Variants in NEK1 observed in about 807,000 individuals in gnomAD.
NEK1 encodes the protein NIMA related kinase 1.
NEK1 carries 137 observed loss-of-function variants against 182.1 expected under a neutral mutation model. The ratio of observed to expected loss-of-function variants is 0.75; its 90% CI spans 0.65 to 0.87. The LOEUF is 0.87. Ranked by LOEUF, NEK1 falls within the 40% of genes least tolerant of loss-of-function variation. The probability of loss-of-function intolerance (pLI) is 0.00; values close to 1 mark genes in which losing one functional copy is unlikely to be tolerated. For missense variants in NEK1, 1,391 were observed against 1,494.4 expected, an observed-to-expected ratio of 0.93 and a Z score of 1.14; for synonymous variants, 513 against 492.2, an observed-to-expected ratio of 1.04 and a Z score of -0.56.
chr4:169,466,061 A>G (rs1444203748), intron 26 of NEK1, among the ~76,000 whole-genome samples: 1 of 152,124 alleles, frequency 6.6e-6, no homozygotes, highest in African/African-American at 2.4e-5. Context: ...TAACTAGTAG[A>G]CAAGGACATT....
At chr4:169,470,527 C>G (rs909733643) in intron 26 of NEK1, among the ~76,000 whole-genome samples, 3 of 152,174 alleles carry the variant, frequency 2.0e-5, no homozygotes, top group Non-Finnish European at 2.9e-5. Flanking sequence ...GGTAATCCAA[C>G]CTTTCTCTTT....
chr4:169,505,683 T>G (rs1161845052), intron 23 of NEK1, among the ~76,000 whole-genome samples: 3 of 152,172 alleles, frequency 2.0e-5, no homozygotes, highest in African/African-American at 7.2e-5. Flanking sequence ...AGCAATAAAC[T>G]ATAGGAACTG....
chr4:169,405,703 G>A (rs1732472596), intron 32 of NEK1, among the ~76,000 whole-genome samples: 1 of 151,678 alleles, frequency 6.6e-6, no homozygotes, highest in South Asian at 2.1e-4. Context: ...GCATGATCAT[G>A]GCTCACTGCT....
At chr4:169,434,658 T>C (rs567070115) in intron 28 of NEK1, among the ~76,000 whole-genome samples, 64 of 152,316 alleles carry the variant, frequency 4.2e-4, no homozygotes, top group Middle Eastern at 6.8e-3. Context: ...TTATCAATAA[T>C]ATCCTGTTTA....
chr4:169,608,683 G>A (rs571471572), intron 2 of NEK1, among the ~76,000 whole-genome samples: 13 of 152,268 alleles, frequency 8.5e-5, no homozygotes, highest in African/African-American at 3.1e-4. Context: ...AGTGGACAAA[G>A]GATATGAAGT....
At chr4:169,412,895 AG>A (rs1413726488) in intron 31 of NEK1, among the ~76,000 whole-genome samples, 1 of 144,444 alleles carries the variant, frequency 6.9e-6, no homozygotes. Context: ...GGGGGGAGGG[AG>A]GGAGGAAGAG....
In NEK1 at chr4:169,600,119, A is replaced by G. The variant is rs142686878; in HGVS notation, c.215-922T>C. Among the ~76,000 whole-genome samples the G allele has an allele frequency of 1.3e-4, 20 of 152,284 alleles. No homozygotes were observed. The East Asian group carries it at 3.7e-3, about 28-fold the overall frequency. On this transcript the variant is annotated intron_variant, in intron 4 of 35. Transcript: ENST00000507142. Reference sequence around the variant, plus strand: ...TTTAACATTTTCTGAATCACTACATAGTACTGAGACTATCACAACTCAAAG... The same window carrying G: ...TTTAACATTTTCTGAATCACTACATGGTACTGAGACTATCACAACTCAAAG...
chr4:169,549,402 C>A (rs1043450391), intron 18 of NEK1, among the ~76,000 whole-genome samples: 1 of 152,158 alleles, frequency 6.6e-6, no homozygotes, highest in South Asian at 2.1e-4. Flanking sequence ...TGTTCCTATT[C>A]GGCCATCTTG....
At chr4:169,567,099 A>G (rs1481835800) in intron 12 of NEK1, among the ~76,000 whole-genome samples, 1 of 151,772 alleles carries the variant, frequency 6.6e-6, no homozygotes, top group Non-Finnish European at 1.5e-5. Flanking sequence ...AAAAAAAAGA[A>G]AAAAAAAATC....
chr4:169,506,013 AT>A (rs1257398384), intron 23 of NEK1, among the ~76,000 whole-genome samples: 1 of 152,002 alleles, frequency 6.6e-6, no homozygotes, highest in Non-Finnish European at 1.5e-5. Context: ...TATAAAAACT[AT>A]TATAACTATG....
intron 12 of NEK1, among the ~76,000 whole-genome samples, chr4:169,567,365 ATTG>A (rs1274743028): frequency 6.6e-6 from 1 of 150,656 alleles, no homozygotes; most frequent in Non-Finnish European, 1.5e-5. Context: ...ATACTTTCAC[ATTG>A]TTGTTCACAG....
chr4:169,595,630 T>A (rs559862356), intron 5 of NEK1, among the ~76,000 whole-genome samples: 1 of 152,024 alleles, frequency 6.6e-6, no homozygotes, highest in Non-Finnish European at 1.5e-5. Context: ...CTAAGAAATA[T>A]ATGTGGAACC....
rs547772734 is a variant in NEK1, at chr4:169,415,929, C to T, written c.3222+8624G>A. Among the ~76,000 whole-genome samples the T allele has an allele frequency of 1.8e-4, 28 of 152,232 alleles. 1 individual carries two copies. The highest frequency in any genetic ancestry group is 6.3e-4 in the African/African-American group (26 of 41,542). Reference sequence around the variant, plus strand: ...CTCTAAACACGTGGCTAAGGAACTGCTTGTGAGGTGGAGGGCGGGGTAGGA... The same window carrying T: ...CTCTAAACACGTGGCTAAGGAACTGTTTGTGAGGTGGAGGGCGGGGTAGGA... On this transcript the variant is annotated intron_variant, in intron 31 of 35. Transcript: ENST00000507142.
chr4:169,567,190 T>C (rs753368018), intron 12 of NEK1, among the ~76,000 whole-genome samples: 1 of 152,200 alleles, frequency 6.6e-6, no homozygotes, highest in Non-Finnish European at 1.5e-5. Context: ...TTCTTTTAAT[T>C]CTTTTGTTAG....
At position 169,479,461 on chromosome 4, in the gene NEK1, G is replaced by C. The variant is rs1747573138; in HGVS notation, c.2081C>G (p.Ser694Ter). 6.2e-7 allele frequency: 1 copy of C among 1,612,218 alleles called. No homozygotes were observed. Among genetic ancestry groups the C allele is most frequent in the Non-Finnish European group, 8.5e-7 (1 of 1,179,100 alleles). Residue 694 changes from serine to a stop codon, truncating the protein, a stop_gained, in exon 24 of 36, where the codon TCA (serine) becomes TGA (stop). Transcript: ENST00000507142. LOFTEE classifies it high-confidence loss of function. ...LGQHETGGSPSKQQMRSVISV... is the reference protein window; with the variant it reads ...LGQHETGGSP The stretch of plus-strand genomic sequence containing the variant: ...AATAACAGATCTCATCTGTTGCTTT[G>C]ATGGAGAGCCACCTGTTTCATGCTG...
At chr4:169,504,776 A>C (rs1363107082) in intron 23 of NEK1, among the ~76,000 whole-genome samples, 1 of 152,204 alleles carries the variant, frequency 6.6e-6, no homozygotes, top group East Asian at 1.9e-4. Context: ...GGGTACAAAA[A>C]TTAGATAAAA....
At chr4:169,610,407 G>A (rs9995759) in intron 2 of NEK1, among the ~76,000 whole-genome samples, 13,391 of 151,784 alleles carry the variant, frequency 0.088, 768 homozygotes, top group African/African-American at 0.16. Flanking sequence ...TCTGCCTCCC[G>A]GGTTCAAGCA....
intron 28 of NEK1, among the ~76,000 whole-genome samples, 189 bp downstream of exon 28, chr4:169,437,894 A>C (rs1738720352): frequency 6.6e-6 from 1 of 152,216 alleles, no homozygotes; most frequent in Non-Finnish European, 1.5e-5. Flanking sequence ...GTGTTTCAAC[A>C]CTAAGTTTTG....
intron 35 of NEK1, among the ~76,000 whole-genome samples, chr4:169,395,829 G>A (rs774030927): frequency 3.3e-5 from 5 of 151,976 alleles, no homozygotes; most frequent in Admixed American, 6.6e-5. Context: ...TATTCTTCCC[G>A]CTCATGGTTT....
Sources: allele counts gnomAD v4.1 joint callset (sites outside exome capture counted in the v4.1 genomes callset), GRCh38; gene constraint gnomAD v4.1.1; transcripts MANE v1.5; gene names NCBI Gene and HGNC (gene_info 2026-07-23, HGNC 2026-07-21).